PAK6: variants seen among roughly 807,000 people sequenced by gnomAD.
PAK6 encodes the protein serine/threonine-protein kinase PAK 6.
PAK6 carries 33 observed loss-of-function variants against 60.8 expected under a neutral mutation model. That is an observed-to-expected ratio of 0.54 (90% CI 0.41 to 0.73). The LOEUF is 0.73. Among genes scored for constraint, PAK6 ranks in the 30% least tolerant of loss-of-function variants. The pLI is 0.00. For synonymous variants in PAK6, 404 were observed against 378.5 expected, an observed-to-expected ratio of 1.07 and a Z score of -0.78; for missense variants, 845 against 904.1, an observed-to-expected ratio of 0.93 and a Z score of 0.84.
At chr15:40,262,759 C>T (rs2039016043) in intron 3 of PAK6, among the ~76,000 whole-genome samples, 1 of 152,202 alleles carries the variant, frequency 6.6e-6, no homozygotes, top group Non-Finnish European at 1.5e-5. Context: ...GAGGTGACAT[C>T]ACAAGAGAAA....
At chr15:40,252,812 C>T (rs1260968069) in intron 2 of PAK6, 3 of 1,295,542 alleles carry the variant, frequency 2.3e-6, no homozygotes, top group Non-Finnish European at 3.0e-6. Flanking sequence ...GGCGAGGGGC[C>T]TTGGGCGCAG....
At chr15:40,273,267 C>A in intron 7 of PAK6, 79 bp from the exon 8 acceptor site, 1 of 1,530,158 alleles carries the variant, frequency 6.5e-7, no homozygotes, top group Non-Finnish European at 8.9e-7. Context: ...GCACCAGGGA[C>A]TCCTACTCTG....
chr15:40,260,989 C>T (rs939248048), intron 3 of PAK6, among the ~76,000 whole-genome samples: 45 of 151,530 alleles, frequency 3.0e-4, no homozygotes, highest in African/African-American at 1.0e-3. Context: ...CCCAGGTTCA[C>T]GCCATTCTCC....
intron 2 of PAK6, chr15:40,250,889 T>C (rs2038647146): frequency 6.6e-6 from 1 of 152,590 alleles, no homozygotes; most frequent in African/African-American, 2.4e-5. Flanking sequence ...GCAACCAATC[T>C]CTGCCACCTC....
At chr15:40,243,268 C>T (rs140371438) in intron 2 of PAK6, among the ~76,000 whole-genome samples, 35 of 152,158 alleles carry the variant, frequency 2.3e-4, no homozygotes, top group Middle Eastern at 3.4e-3. Context: ...GGTGAAGGCT[C>T]GGGGAGATAG....
chr15:40,243,446 G>A (rs1042005452), intron 2 of PAK6, among the ~76,000 whole-genome samples: 6 of 152,272 alleles, frequency 3.9e-5, no homozygotes, highest in African/African-American at 1.4e-4. Context: ...TATGAGTTAG[G>A]GTTGTTGAGA....
rs1566859993 is a variant in PAK6 at position 40,275,917 on chromosome 15, G to C, written c.1879-10G>C. 1.2e-6 allele frequency: 2 copies of C among 1,604,528 alleles called. No individual in the cohort carries two copies. Among genetic ancestry groups the C allele is most frequent in the South Asian group, 2.2e-5 (2 of 90,792 alleles). ...AATTGTGGCTTCATCTTACTGCCCT[G>C]CCTCTACAGGTCTCCCCAGTGCTGC... On this transcript the variant is annotated splice_polypyrimidine_tract_variant and intron_variant, in intron 10 of 10. Coordinates refer to ENST00000560346, the Ensembl canonical transcript of PAK6.
chr15:40,258,244 G>A (rs2038891179), intron 3 of PAK6, among the ~76,000 whole-genome samples: 1 of 152,242 alleles, frequency 6.6e-6, no homozygotes, highest in African/African-American at 2.4e-5. Flanking sequence ...GGCCAGCCCT[G>A]TCCTACATAC....
chr15:40,241,061 G>C (rs1252787200), intron 2 of PAK6, among the ~76,000 whole-genome samples: 1 of 152,196 alleles, frequency 6.6e-6, no homozygotes, highest in Non-Finnish European at 1.5e-5. Flanking sequence ...CAGGCTCCAA[G>C]TCACACCCTT....
chr15:40,274,507 T>C (rs546935086), intron 10 of PAK6, among the ~76,000 whole-genome samples: 28 of 152,238 alleles, frequency 1.8e-4, no homozygotes, highest in Non-Finnish European at 3.2e-4. Context: ...GCAGGAGAGT[T>C]GCTGCTTGGC....
exon 4 of PAK6, chr15:40,264,951 C>G: frequency 1.9e-6 from 3 of 1,613,620 alleles, no homozygotes; most frequent in South Asian, 2.2e-5. Flanking sequence ...CGTGGTGGAC[C>G]CTTCGCGAAT....
chr15:40,258,500 G>C (rs751286108), intron 3 of PAK6: 3 of 152,236 alleles, frequency 2.0e-5, no homozygotes, highest in Non-Finnish European at 4.4e-5. Flanking sequence ...GGTTAAATGA[G>C]CTAACCCTCG....
At chr15:40,253,132 A>G in intron 2 of PAK6, 46 bp from the exon 3 acceptor site, 1 of 442,946 alleles carries the variant, frequency 2.3e-6, no homozygotes, top group Non-Finnish European at 4.6e-6. Flanking sequence ...CCGCGGGAAC[A>G]CTTGCTACAT....
intron 3 of PAK6, among the ~76,000 whole-genome samples, chr15:40,262,971 A>T (rs770943855): frequency 6.6e-6 from 1 of 152,230 alleles, no homozygotes; most frequent in South Asian, 2.1e-4. Context: ...GGTCCTGTAC[A>T]TGTGGCTCTA....
intron 2 of PAK6, chr15:40,251,256 C>T (rs1301236585): frequency 6.6e-6 from 1 of 152,216 alleles, no homozygotes; most frequent in Non-Finnish European, 1.5e-5. Flanking sequence ...GCTCCCACAC[C>T]ACTGTCCCAC....
At chr15:40,254,342 A>C (rs1235117022) in intron 3 of PAK6, among the ~76,000 whole-genome samples, 4 of 152,196 alleles carry the variant, frequency 2.6e-5, no homozygotes, top group Admixed American at 6.5e-5. Context: ...GCTGTTTGGC[A>C]AGCTATTGTC....
chr15:40,240,965 A>G (rs1307826381), intron 2 of PAK6, among the ~76,000 whole-genome samples: 2 of 152,106 alleles, frequency 1.3e-5, no homozygotes, highest in African/African-American at 4.8e-5. Flanking sequence ...GGACACCCCT[A>G]TCCAAGGCCC....
At chr15:40,259,099 C>T (rs1442089415) in intron 3 of PAK6, 1 of 152,300 alleles carries the variant, frequency 6.6e-6, no homozygotes, top group African/African-American at 2.4e-5. Flanking sequence ...GGGGGAGTCC[C>T]CTTCCTTCCT....
At chr15:40,252,177 T>C (rs1339979127) in intron 2 of PAK6, 17 of 872,738 alleles carry the variant, frequency 1.9e-5, no homozygotes, top group Non-Finnish European at 2.6e-5. Flanking sequence ...CTCTCCAGGA[T>C]GTGTGGGTGG....
Sources: allele counts gnomAD v4.1 joint callset (sites outside exome capture counted in the v4.1 genomes callset), GRCh38; gene constraint gnomAD v4.1.1; transcripts MANE v1.5; gene names NCBI Gene and HGNC (gene_info 2026-07-23, HGNC 2026-07-21).